The following FGF13 variants were observed in gnomAD, a reference collection of about 807,000 sequenced individuals.
FGF13 encodes fibroblast growth factor 13.
Under a neutral mutation model 19.5 loss-of-function variants are expected in FGF13, and 2 were observed. That is an observed-to-expected ratio of 0.10 (90% CI 0.04 to 0.32). The LOEUF is 0.32. FGF13 is among the 10% of genes least tolerant of loss of function. The pLI, the probability that FGF13 is intolerant of heterozygous loss-of-function variation, is 1.00. For missense variants in FGF13, 113 were observed against 192.7 expected, an observed-to-expected ratio of 0.59 and a Z score of 2.45; for synonymous variants, 72 against 76.9, an observed-to-expected ratio of 0.94 and a Z score of 0.33.
chrX:138,804,846 C>T (rs1178665524), intron 3 of FGF13, among the ~76,000 whole-genome samples: 2 of 112,027 alleles, frequency 1.8e-5, no homozygotes, highest in African/African-American at 3.2e-5. Flanking sequence ...CTAAACTATA[C>T]ATTAAAACAA....
chrX:139,093,737 C>T (rs765055577), intron 1 of FGF13, among the ~76,000 whole-genome samples: 1 of 111,841 alleles, frequency 8.9e-6, no homozygotes, highest in Non-Finnish European at 1.9e-5. Flanking sequence ...TTGGGTAGCA[C>T]TCAGGACGCT....
At position 138,711,533 on chromosome X, in the gene FGF13, C is replaced by G. The variant is rs1190493418; in HGVS notation, c.-530G>C. ...GAGCGCGCCCTCGCCCTGGCCCCTC[C>G]GAGTCTTCGACTAGTCCTTGCAACT... On this transcript the variant is annotated 5_prime_UTR_variant, in exon 1 of 5. Coordinates refer to ENST00000315930, the MANE Select transcript of FGF13 (RefSeq NM_004114.5). 2.0e-5 allele frequency: 15 copies of G among 755,047 alleles called. No individual in the cohort carries two copies. Among genetic ancestry groups the G allele is most frequent in the Non-Finnish European group, 2.2e-5 (14 of 639,945 alleles). The allele number at this position is 755,047 out of a possible 1,213,427, so 62.2% of individuals were successfully genotyped here.
Position 139,135,543 on chromosome X carries a change from C to T in FGF13, c.-113+67873G>A, listed in dbSNP as rs974135829. The stretch of plus-strand genomic sequence containing the variant: ...CAAAGCAGCATGGAGTGTGTCTTTG[C>T]TAATTTAGATCACATATCTGGTCTT... On this transcript the variant is annotated intron_variant, in intron 1 of 2. Coordinates refer to the FGF13 transcript ENST00000421460. Among the ~76,000 whole-genome samples the T allele has an allele frequency of 5.4e-5, 6 of 112,030 alleles. No homozygotes were observed. The East Asian group carries it at 8.4e-4, about 16-fold the overall frequency.
intron 1 of FGF13, among the ~76,000 whole-genome samples, chrX:138,937,511 C>A (rs1394267164): frequency 1.8e-5 from 2 of 111,984 alleles, no homozygotes; most frequent in Non-Finnish European, 3.8e-5. Flanking sequence ...TGTGGCATAG[C>A]ACCCAGTACA....
At chrX:138,906,241 G>A (rs1873661296) in intron 1 of FGF13, among the ~76,000 whole-genome samples, 1 of 111,981 alleles carries the variant, frequency 8.9e-6, no homozygotes, top group African/African-American at 3.2e-5. Context: ...AATGTAAAAT[G>A]AAAATAAGGA....
chrX:138,801,434 C>T lies in FGF13; in HGVS notation c.217+56078G>A, dbSNP rs561222970. Among the ~76,000 whole-genome samples the T allele has an allele frequency of 2.1e-4, 24 of 111,885 alleles. No homozygotes were observed. In the South Asian group the frequency reaches 2.3e-3, roughly 11 times the overall value. On this transcript the variant is annotated intron_variant, in intron 3 of 6. Coordinates refer to the FGF13 transcript ENST00000436198. ...GGAGGCTGCAGAACAGCAAAGATTG[C>T]TGCCTGCTCCTTCCTCTGGAAGTTT...
At chrX:139,100,928 C>A (rs1194972706) in intron 1 of FGF13, among the ~76,000 whole-genome samples, 2 of 111,227 alleles carry the variant, frequency 1.8e-5, no homozygotes, top group African/African-American at 6.6e-5. Context: ...ATTATCTACT[C>A]TTCTCCTGTG....
intron 1 of FGF13, among the ~76,000 whole-genome samples, chrX:139,162,814 G>A (rs7065417): frequency 0.11 from 12,825 of 112,065 alleles, 1,181 homozygotes; most frequent in African/African-American, 0.32. Flanking sequence ...CTGGTCATTG[G>A]AGAAATGCAA....
chrX:138,955,445 T>C (rs753626455), intron 1 of FGF13, among the ~76,000 whole-genome samples: 5 of 112,141 alleles, frequency 4.5e-5, no homozygotes, highest in Non-Finnish European at 9.4e-5. Flanking sequence ...GTCTCTCTTT[T>C]AGTCCTCAAA....
intron 1 of FGF13, among the ~76,000 whole-genome samples, chrX:139,065,363 T>C (rs62602245): frequency 0.15 from 15,493 of 106,642 alleles, 968 homozygotes; most frequent in African/African-American, 0.24. Context: ...CACTGGAAAA[T>C]TGGATAAAGA....
intron 1 of FGF13, among the ~76,000 whole-genome samples, chrX:139,196,337 C>G (rs1438239278): frequency 8.9e-6 from 1 of 111,812 alleles, no homozygotes; most frequent in Non-Finnish European, 1.9e-5. Context: ...AAGACACAGT[C>G]ACCTGGCCAA....
intron 3 of FGF13, among the ~76,000 whole-genome samples, chrX:138,835,512 G>C (rs2091106507): frequency 8.9e-6 from 1 of 111,939 alleles, no homozygotes; most frequent in Non-Finnish European, 1.9e-5. Context: ...ATCCTTGGTA[G>C]ATTTTCCTCC....
chrX:138,876,178 C>G (rs1245957712), intron 1 of FGF13, among the ~76,000 whole-genome samples: 1 of 112,266 alleles, frequency 8.9e-6, no homozygotes, highest in Non-Finnish European at 1.9e-5. Context: ...AATCAGTTCT[C>G]TTCTTTCCAT....
chrX:139,079,777 G>A (rs749364079), intron 1 of FGF13, among the ~76,000 whole-genome samples: 2 of 110,948 alleles, frequency 1.8e-5, no homozygotes, highest in African/African-American at 6.6e-5. Flanking sequence ...TAATGTTCTG[G>A]GTTCAAAATC....
intron 1 of FGF13, among the ~76,000 whole-genome samples, chrX:139,030,217 T>C (rs904977785): frequency 3.6e-5 from 4 of 111,286 alleles, no homozygotes; most frequent in Middle Eastern, 4.6e-3. Context: ...ATGGGAAAGA[T>C]AAAAGCTGGA....
At chrX:138,719,612 C>T (rs1286661570) in intron 1 of FGF13, among the ~76,000 whole-genome samples, 1 of 112,048 alleles carries the variant, frequency 8.9e-6, no homozygotes, top group African/African-American at 3.2e-5. Context: ...TGGCTTTCCA[C>T]ACTGTAAGCT....
At chrX:138,983,215 T>C (rs931493615) in intron 1 of FGF13, among the ~76,000 whole-genome samples, 1 of 109,598 alleles carries the variant, frequency 9.1e-6, no homozygotes, top group Non-Finnish European at 1.9e-5. Context: ...ATTTTCCCCA[T>C]GTTATCTTCT....
intron 3 of FGF13, among the ~76,000 whole-genome samples, chrX:138,811,155 T>C (rs1341646480): frequency 8.9e-6 from 1 of 112,021 alleles, no homozygotes; most frequent in African/African-American, 3.2e-5. Flanking sequence ...CATATGTTTA[T>C]TACAGCACTA....
At chrX:138,941,181 A>T (rs1259217262) in intron 1 of FGF13, among the ~76,000 whole-genome samples, 1 of 111,516 alleles carries the variant, frequency 9.0e-6, no homozygotes, top group Non-Finnish European at 1.9e-5. Context: ...CACCACTCCT[A>T]TTCAACATAG....
Sources: allele counts gnomAD v4.1 joint callset (sites outside exome capture counted in the v4.1 genomes callset), GRCh38; gene constraint gnomAD v4.1.1; transcripts MANE v1.5; gene names NCBI Gene and HGNC (gene_info 2026-07-23, HGNC 2026-07-21).